The following AKAP1 variants were observed in gnomAD, a reference collection of about 807,000 sequenced individuals.
AKAP1 encodes the protein A-kinase anchor protein 1, mitochondrial.
AKAP1 carries 32 observed loss-of-function variants against 79.8 expected under a neutral mutation model. The ratio of observed to expected loss-of-function variants is 0.40; its 90% CI spans 0.30 to 0.54. The LOEUF (loss-of-function observed/expected upper bound fraction) is 0.54, where lower values mean the gene tolerates loss of function less well. Ranked by LOEUF, AKAP1 falls within the 20% of genes least tolerant of loss-of-function variation. The pLI, the probability that AKAP1 is intolerant of heterozygous loss-of-function variation, is 0.47. For missense variants in AKAP1, 961 were observed against 1,138.9 expected, an observed-to-expected ratio of 0.84 and a Z score of 2.25; for synonymous variants, 416 against 466.7, an observed-to-expected ratio of 0.89 and a Z score of 1.40.
chr17:57,101,298 A>G (rs1442404010), intron 1 of AKAP1, among the ~76,000 whole-genome samples: 1 of 152,120 alleles, frequency 6.6e-6, no homozygotes, highest in African/African-American at 2.4e-5. Context: ...TCCCTGGCTC[A>G]AGTGATCCTC....
In AKAP1 at chr17:57,106,340, C is replaced by T. The variant is rs189797272; in HGVS notation, c.876C>T (p.Asp292=). ...DDAAPAPPVA[D]AKAQDRGVEG... is the part of the protein sequence containing the mutation. ...CGGCGCCAGCACCCCCAGTCGCAGA[C>T]GCCAAAGCCCAGGATAGAGGTGTCG... The change falls in exon 2 of 11, where the codon GAC becomes GAT. Residue 292 remains aspartate (D), a synonymous_variant. Transcript: ENST00000337714. 8.6e-5 allele frequency: 139 copies of T among 1,613,936 alleles called. No homozygotes were observed. The highest frequency in any genetic ancestry group is 1.6e-4 in the Middle Eastern group (1 of 6,062).
intron 9 of AKAP1, 84 bp downstream of exon 9, chr17:57,118,538 G>T: frequency 2.1e-6 from 3 of 1,398,918 alleles, no homozygotes; most frequent in Non-Finnish European, 1.0e-6. Flanking sequence ...CTGTGGCTTG[G>T]CCCTGGATTG....
intron 1 of AKAP1, among the ~76,000 whole-genome samples, chr17:57,100,428 A>AACACACACACACACACACACACACAC (rs71363890): frequency 6.9e-4 from 103 of 149,804 alleles, no homozygotes; most frequent in African/African-American, 2.5e-3. Flanking sequence ...TCTCTGCTAA[A>AACACACACACACACACACACACACAC]ACACACACAC....
In AKAP1 at chr17:57,120,250, G is replaced by T; in HGVS notation, c.2638G>T (p.Val880Leu). ...IQLWSVVGDEVVLINRSLVER... is the reference protein window; with the variant it reads ...IQLWSVVGDELVLINRSLVER... ...GCTTTAAGGGAACTTTCTTTTCTAG[G>T]TGGTGTTGATAAACCGGTCCCTGGT... The change falls in exon 11 of 11, where the codon GTG (valine) becomes TTG (leucine). Residue 880 changes from valine to leucine, a missense_variant and splice_region_variant. This residue lies in a region of AKAP1 where 629 missense variants were observed against 781.1 expected (regional missense o/e 0.81). Coordinates refer to ENST00000337714, the MANE Select transcript of AKAP1 (RefSeq NM_003488.4). The T allele has an allele frequency of 6.2e-7, 1 of 1,612,560 alleles. No individual in the cohort carries two copies. The highest frequency in any genetic ancestry group is 8.5e-7 in the Non-Finnish European group (1 of 1,179,454).
At chr17:57,099,008 G>T (rs920547147) in intron 1 of AKAP1, among the ~76,000 whole-genome samples, 2 of 151,238 alleles carry the variant, frequency 1.3e-5, no homozygotes, top group African/African-American at 4.9e-5. Context: ...CTCGTGATCT[G>T]CCCGCCTCGG....
At position 57,106,182 on chromosome 17, in the gene AKAP1, G is replaced by A; in HGVS notation, c.718G>A (p.Glu240Lys). The A allele has an allele frequency of 1.9e-6, 3 of 1,614,136 alleles. No homozygotes were observed. Among genetic ancestry groups the A allele is most frequent in the Non-Finnish European group, 2.5e-6 (3 of 1,180,026 alleles). ...NSKGPSLASL[E>K]GEEDKGKSSS... ...CAAGGGCCCCAGCCTGGCCTCTTTAGAGGGGGAAGAAGATAAGGGGAAGAG... is the reference window on the plus strand; with the variant it reads ...CAAGGGCCCCAGCCTGGCCTCTTTAAAGGGGGAAGAAGATAAGGGGAAGAG... The change falls in exon 2 of 11, where the codon GAG becomes AAG. Residue 240 changes from glutamate to lysine, a missense_variant. Physicochemically the swap from Glu to Lys is moderately conservative, Grantham distance 56. Around this residue, in one of 3 missense-constraint regions of AKAP1, gnomAD observed 224 missense variants for 210.2 expected, o/e 1.07. Transcript: ENST00000337714.
intron 2 of AKAP1, among the ~76,000 whole-genome samples, chr17:57,109,480 G>A (rs1357390811): frequency 6.6e-6 from 1 of 152,218 alleles, no homozygotes; most frequent in African/African-American, 2.4e-5. Flanking sequence ...TCCCCGCTAG[G>A]TATAAGAATG....
chr17:57,109,887 G>C, intron 2 of AKAP1, 138 bp from the exon 3 acceptor site: 1 of 1,152,860 alleles, frequency 8.7e-7, no homozygotes, highest in South Asian at 1.5e-5. Flanking sequence ...TAGACTGTAA[G>C]TTGACAGTCA....
In AKAP1 at chr17:57,112,535, A is replaced by G. The variant is rs1186795654; in HGVS notation, c.2020A>G (p.Lys674Glu). The G allele has an allele frequency of 6.2e-7, 1 of 1,614,158 alleles. No homozygotes were observed. Among genetic ancestry groups the G allele is most frequent in the African/African-American group, 1.3e-5 (1 of 75,040 alleles). Residue 674 changes from lysine (K) to glutamate (E), a missense_variant, in exon 5 of 11, where the codon AAG becomes GAG. By Grantham distance (56) the Lys-to-Glu change is moderately conservative. Transcript: ENST00000337714. Reference sequence around the variant, plus strand: ...CAAAGCGCTGAACTTGATTGGGAAGAAGTTCAAAGAGCTGAACCTCACCAA... The same window carrying G: ...CAAAGCGCTGAACTTGATTGGGAAGGAGTTCAAAGAGCTGAACCTCACCAA... ...VDKALNLIGK[K>E]FKELNLTNIY...
chr17:57,109,268 G>A (rs1312500368), intron 2 of AKAP1, among the ~76,000 whole-genome samples: 1 of 152,170 alleles, frequency 6.6e-6, no homozygotes, highest in African/African-American at 2.4e-5. Context: ...CCTTTGGCAC[G>A]CTCTTGAGTG....
chr17:57,106,576 T>G lies in AKAP1; in HGVS notation c.1112T>G (p.Val371Gly). 1 of 1,614,134 alleles carries G rather than the reference T, an allele frequency of 6.2e-7. No individual in the cohort carries two copies. The highest frequency in any genetic ancestry group is 8.5e-7 in the Non-Finnish European group (1 of 1,180,006). The change falls in exon 2 of 11, where the codon GTT becomes GGT. Residue 371 changes from valine (V) to glycine (G), a missense_variant. Physicochemically the swap from Val to Gly is moderately radical, Grantham distance 109. Transcript: ENST00000337714. ...EQVLATTVGK[V>G]AGRVCQASQL... is the part of the protein sequence containing the mutation. ...GTGCTGGCCACCACGGTTGGCAAGGTTGCAGGTCGTGTGTGTCAGGCCAGT... is the reference window on the plus strand; with the variant it reads ...GTGCTGGCCACCACGGTTGGCAAGGGTGCAGGTCGTGTGTGTCAGGCCAGT...
chr17:57,112,634 G>A lies in AKAP1; in HGVS notation c.2103+16G>A, dbSNP rs1424912046. On this transcript the variant is annotated intron_variant, in intron 5 of 10. Coordinates refer to ENST00000337714, the MANE Select transcript of AKAP1 (RefSeq NM_003488.4). ...GACATCCTGGGTGAGCGTGCTACTG[G>A]GTGATCCGGACTTCTTGCCACTTTC... is the stretch of plus-strand genomic sequence containing the variant. The A allele has an allele frequency of 1.9e-6, 3 of 1,594,806 alleles. No individual in the cohort carries two copies. Among genetic ancestry groups the A allele is most frequent in the Non-Finnish European group, 2.6e-6 (3 of 1,171,168 alleles).
At chr17:57,119,539 C>T (rs1237875619) in intron 10 of AKAP1, among the ~76,000 whole-genome samples, 1 of 151,868 alleles carries the variant, frequency 6.6e-6, no homozygotes, top group Non-Finnish European at 1.5e-5. Flanking sequence ...CATGGCGAAA[C>T]CCCCATCTCT....
intron 1 of AKAP1, among the ~76,000 whole-genome samples, chr17:57,097,051 G>A (rs1361851113): frequency 2.6e-5 from 4 of 151,940 alleles, no homozygotes; most frequent in Admixed American, 1.3e-4. Context: ...CAACTGCTGC[G>A]ACTATGGCTC....
chr17:57,115,874 G>A (rs1915547128), intron 6 of AKAP1, among the ~76,000 whole-genome samples: 1 of 152,200 alleles, frequency 6.6e-6, no homozygotes. Context: ...TTCTCAGTCT[G>A]GATGGCCTCG....
chr17:57,097,524 A>G (rs535702277), intron 1 of AKAP1, among the ~76,000 whole-genome samples: 1 of 152,370 alleles, frequency 6.6e-6, no homozygotes, highest in Admixed American at 6.5e-5. Flanking sequence ...CCAAACTCCC[A>G]TGGAAGGGAG....
chr17:57,098,643 C>G (rs1244499797), intron 1 of AKAP1: 3 of 152,032 alleles, frequency 2.0e-5, no homozygotes, highest in Non-Finnish European at 2.9e-5. Context: ...TTTTATACCA[C>G]CTCTTGTAGC....
At position 57,117,017 on chromosome 17, in the gene AKAP1, T is replaced by G. The variant is rs1915629349; in HGVS notation, c.2500+90T>G. ...AGAGCCTCCGTTCTCACCTGGAGGA[T>G]TTATGCTAACATAAGTTGCTACCAC... is the stretch of plus-strand genomic sequence containing the variant. On this transcript the variant is annotated intron_variant, in intron 8 of 10. Transcript: ENST00000337714. The G allele has an allele frequency of 6.1e-6, 8 of 1,309,084 alleles. No homozygotes were observed. In the Admixed American group the frequency reaches 6.8e-5, roughly 11 times the overall value. The allele number at this position is 1,309,084 out of a possible 1,614,324, so 81.1% of individuals were successfully genotyped here. A position where few individuals can be genotyped will look rare whatever the true frequency, so the allele number is the denominator to read the frequency against.
At chr17:57,103,402 A>C (rs1410378627) in intron 1 of AKAP1, among the ~76,000 whole-genome samples, 1 of 152,184 alleles carries the variant, frequency 6.6e-6, no homozygotes, top group Non-Finnish European at 1.5e-5. Flanking sequence ...GTCTGAGGTG[A>C]GACTGGGATA....
Sources: gnomAD v4.1 joint callset for allele counts (sites outside exome capture counted in the v4.1 genomes callset) on GRCh38, gnomAD v4.1.1 for gene constraint, gnomAD v4.1.1 regional missense constraint, MANE v1.5 for transcripts, NCBI Gene and HGNC (gene_info 2026-07-23, HGNC 2026-07-21) for gene names.